Variants in RUNDC3B observed in about 807,000 individuals in gnomAD.
The protein encoded by RUNDC3B is RUN domain containing 3B, also known as RUN domain-containing protein 3B.
Under a neutral mutation model 58.4 loss-of-function variants are expected in RUNDC3B, and 33 were observed. That is an observed-to-expected ratio of 0.56 (90% CI 0.43 to 0.75). RUNDC3B has a LOEUF of 0.75. Ranked by LOEUF, RUNDC3B falls within the 30% of genes least tolerant of loss-of-function variation. RUNDC3B has a pLI of 0.00. For synonymous variants in RUNDC3B, 193 were observed against 195.2 expected (o/e 0.99, Z 0.10); for missense variants, 501 against 535.7 (o/e 0.94, Z 0.64).
intron 7 of RUNDC3B, among the ~76,000 whole-genome samples, chr7:87,776,763 G>GA (rs911844247): frequency 6.6e-6 from 1 of 151,312 alleles, no homozygotes; most frequent in Admixed American, 6.6e-5. Flanking sequence ...AGAATTATCA[G>GA]AAAAAAATAT....
At chr7:87,778,031 G>C (rs1322640194) in intron 8 of RUNDC3B, 76 bp downstream of exon 8, 1 of 1,266,878 alleles carries the variant, frequency 7.9e-7, no homozygotes, top group Non-Finnish European at 1.1e-6. Context: ...GATACAGGAG[G>C]CAAATTCCAA....
intron 2 of RUNDC3B, among the ~76,000 whole-genome samples, chr7:87,669,730 G>A (rs1480964357): frequency 1.3e-5 from 2 of 152,180 alleles, no homozygotes; most frequent in African/African-American, 4.8e-5. Context: ...CACTTGGGAA[G>A]CTCACTTTGG....
chr7:87,727,064 T>C (rs1262425933), intron 4 of RUNDC3B, among the ~76,000 whole-genome samples: 1 of 152,248 alleles, frequency 6.6e-6, no homozygotes, highest in East Asian at 1.9e-4. Context: ...CTTTTCCTGA[T>C]TGAATACCCT....
intron 2 of RUNDC3B, among the ~76,000 whole-genome samples, chr7:87,699,911 T>C (rs1585136536): frequency 6.6e-6 from 1 of 152,300 alleles, no homozygotes; most frequent in East Asian, 1.9e-4. Context: ...AGGATGCTAA[T>C]TGATTTTATT....
intron 6 of RUNDC3B, among the ~76,000 whole-genome samples, chr7:87,755,961 A>G (rs1386321011): frequency 6.6e-6 from 1 of 152,208 alleles, no homozygotes; most frequent in African/African-American, 2.4e-5. Context: ...AATTTAAAAA[A>G]TATTGTCCTG....
At chr7:87,710,929 T>C (rs1470478340) in intron 4 of RUNDC3B, among the ~76,000 whole-genome samples, 3 of 152,200 alleles carry the variant, frequency 2.0e-5, no homozygotes, top group African/African-American at 7.2e-5. Flanking sequence ...TGAAGCTTCA[T>C]TCTCCCCATA....
chr7:87,689,664 A>G (rs1282881854), intron 2 of RUNDC3B, among the ~76,000 whole-genome samples: 2 of 152,140 alleles, frequency 1.3e-5, no homozygotes, highest in African/African-American at 4.8e-5. Flanking sequence ...AATTTAGTGG[A>G]CTTTGTTCAT....
intron 3 of RUNDC3B, among the ~76,000 whole-genome samples, chr7:87,703,025 G>A (rs1829231316): frequency 6.6e-6 from 1 of 152,078 alleles, no homozygotes; most frequent in South Asian, 2.1e-4. Context: ...TTATTGAATT[G>A]TCAGAGTAGC....
intron 2 of RUNDC3B, among the ~76,000 whole-genome samples, chr7:87,688,845 A>G (rs1377030920): frequency 1.3e-5 from 2 of 152,020 alleles, no homozygotes; most frequent in Non-Finnish European, 2.9e-5. Context: ...TTCTGGGTGA[A>G]CAAAATCTTA....
chr7:87,772,559 A>T (rs1171487219), intron 7 of RUNDC3B, among the ~76,000 whole-genome samples: 1 of 152,230 alleles, frequency 6.6e-6, no homozygotes, highest in Non-Finnish European at 1.5e-5. Flanking sequence ...GGTTAGAGAC[A>T]TTTTTTAATG....
chr7:87,809,374 C>A (rs564017658), intron 9 of RUNDC3B, among the ~76,000 whole-genome samples: 1 of 152,128 alleles, frequency 6.6e-6, no homozygotes, highest in Non-Finnish European at 1.5e-5. Flanking sequence ...GGGTGTTGTA[C>A]AGAGATCACT....
chr7:87,818,248 TAAAAACAACTG>T, intron 10 of RUNDC3B, among the ~76,000 whole-genome samples: 1 of 152,250 alleles, frequency 6.6e-6, no homozygotes, highest in African/African-American at 2.4e-5. Flanking sequence ...TTTGACACTA[TAAAAACAACTG>T]TATTGTCTTC....
intron 8 of RUNDC3B, among the ~76,000 whole-genome samples, chr7:87,797,409 G>A (rs547828377): frequency 6.6e-6 from 1 of 152,242 alleles, no homozygotes; most frequent in South Asian, 2.1e-4. Flanking sequence ...AGATGATGCT[G>A]TGGACTTCAC....
chr7:87,824,593 T>G (rs1362816563), intron 10 of RUNDC3B, among the ~76,000 whole-genome samples: 1 of 152,178 alleles, frequency 6.6e-6, no homozygotes, highest in African/African-American at 2.4e-5. Context: ...GGAAGGGACT[T>G]TGGAACTGGG....
chr7:87,822,993 CA>C (rs1328609083), intron 10 of RUNDC3B, among the ~76,000 whole-genome samples: 16 of 151,842 alleles, frequency 1.1e-4, no homozygotes, highest in Non-Finnish European at 1.5e-4. Flanking sequence ...ACATATGTAA[CA>C]AACCTGCACA....
chr7:87,671,778 G>GC lies in RUNDC3B; in HGVS notation c.238+20846dup, dbSNP rs1825847250. ...CGTGCTGTGCTGGAGGTCCACTTCA[G>GC]CCCCCGGTTGCCTCAGACACTCTGA... On this transcript the variant is annotated intron_variant, in intron 2 of 10. Transcript: ENST00000394654. 6.6e-5 allele frequency among the ~76,000 whole-genome samples: 10 copies of GC among 152,304 alleles called. No homozygotes were observed. In the South Asian group the frequency reaches 2.1e-3, roughly 32 times the overall value.
chr7:87,647,085 T>G (rs1823080274), intron 1 of RUNDC3B, among the ~76,000 whole-genome samples: 1 of 152,216 alleles, frequency 6.6e-6, no homozygotes, highest in African/African-American at 2.4e-5. Context: ...TGAGTGATTA[T>G]ATTTTCCATT....
chr7:87,744,743 A>T (rs1356013315), intron 6 of RUNDC3B, among the ~76,000 whole-genome samples: 2 of 152,184 alleles, frequency 1.3e-5, no homozygotes, highest in South Asian at 4.1e-4. Context: ...TTTTCAAGGT[A>T]AACGATCATA....
chr7:87,715,990 A>G (rs931011287), intron 4 of RUNDC3B, among the ~76,000 whole-genome samples: 20 of 152,148 alleles, frequency 1.3e-4, no homozygotes, highest in African/African-American at 4.8e-4. Context: ...CATATAGGCA[A>G]TTTGCAAAGA....
Sources: gnomAD v4.1 joint callset for allele counts (sites outside exome capture counted in the v4.1 genomes callset) on GRCh38, gnomAD v4.1.1 for gene constraint, MANE v1.5 for transcripts, NCBI Gene and HGNC (gene_info 2026-07-23, HGNC 2026-07-21) for gene names.